Variants in NR3C2 observed in about 807,000 individuals in gnomAD.
The protein encoded by NR3C2 is mineralocorticoid receptor.
Under a neutral mutation model 86.4 loss-of-function variants are expected in NR3C2, and 15 were observed. The ratio of observed to expected loss-of-function variants is 0.17; its 90% CI spans 0.12 to 0.27. The LOEUF is 0.27. NR3C2 is among the 10% of genes least tolerant of loss of function. NR3C2 has a pLI of 1.00. For missense variants in NR3C2, 960 were observed against 1,195.6 expected (o/e 0.80, Z 2.91); for synonymous variants, 458 against 450.5 (o/e 1.02, Z -0.21).
At chr4:148,413,944 C>T in intron 2 of NR3C2, among the ~76,000 whole-genome samples, 1 of 152,092 alleles carries the variant, frequency 6.6e-6, no homozygotes, top group East Asian at 1.9e-4. Context: ...AGAAATTCTA[C>T]TTCTAATTAT....
chr4:148,297,985 T>C (rs371456368), intron 2 of NR3C2, among the ~76,000 whole-genome samples: 5 of 152,034 alleles, frequency 3.3e-5, no homozygotes, highest in Non-Finnish European at 4.4e-5. Flanking sequence ...TCAGGCACTG[T>C]TGGAAGGAGT....
intron 2 of NR3C2, among the ~76,000 whole-genome samples, chr4:148,379,160 T>G (rs549283627): frequency 1.3e-5 from 2 of 152,294 alleles, no homozygotes; most frequent in South Asian, 4.1e-4. Context: ...CGTCTAAATT[T>G]AACCCTCTAG....
intron 2 of NR3C2, among the ~76,000 whole-genome samples, chr4:148,265,703 T>C (rs1740350507): frequency 6.6e-6 from 1 of 152,226 alleles, no homozygotes; most frequent in South Asian, 2.1e-4. Flanking sequence ...TTTCCATATG[T>C]AATCAATTCA....
intron 2 of NR3C2, among the ~76,000 whole-genome samples, chr4:148,400,253 G>C (rs1194481628): frequency 3.3e-5 from 5 of 152,170 alleles, no homozygotes; most frequent in Admixed American, 6.5e-5. Context: ...TCTACATGAA[G>C]TGGGGAGCTG....
intron 3 of NR3C2, among the ~76,000 whole-genome samples, chr4:148,212,665 T>A (rs536771858): frequency 6.6e-6 from 1 of 152,374 alleles, no homozygotes; most frequent in South Asian, 2.1e-4. Context: ...GTAAATGAGA[T>A]GTTCCTTTGA....
intron 8 of NR3C2, among the ~76,000 whole-genome samples, chr4:148,112,048 T>G (rs1419167130): frequency 6.6e-6 from 1 of 152,060 alleles, no homozygotes; most frequent in Admixed American, 6.6e-5. Context: ...TTGCATAAAA[T>G]CAGCATTTAT....
At chr4:148,206,928 C>CT (rs772221588) in intron 3 of NR3C2, among the ~76,000 whole-genome samples, 115 of 147,176 alleles carry the variant, frequency 7.8e-4, no homozygotes, top group South Asian at 1.7e-3. Flanking sequence ...TTATGATAAT[C>CT]TTTTTTTTTT....
chr4:148,098,445 T>A (rs913580771), intron 8 of NR3C2, among the ~76,000 whole-genome samples: 57 of 151,654 alleles, frequency 3.8e-4, no homozygotes, highest in Non-Finnish European at 2.1e-4. Flanking sequence ...ATCTCAACAG[T>A]AGACTCACCA....
At chr4:148,264,829 T>TA (rs1014106847) in intron 2 of NR3C2, among the ~76,000 whole-genome samples, 1 of 152,170 alleles carries the variant, frequency 6.6e-6, no homozygotes, top group African/African-American at 2.4e-5. Flanking sequence ...GGATCAAACA[T>TA]AAAAAATGAA....
At chr4:148,265,740 C>G (rs1284293491) in intron 2 of NR3C2, among the ~76,000 whole-genome samples, 1 of 152,188 alleles carries the variant, frequency 6.6e-6, no homozygotes, top group South Asian at 2.1e-4. Context: ...TCTTAGAGCA[C>G]AGCGAGAATT....
At chr4:148,333,085 GA>G (rs1227903331) in intron 2 of NR3C2, among the ~76,000 whole-genome samples, 14 of 151,652 alleles carry the variant, frequency 9.2e-5, no homozygotes, top group African/African-American at 3.4e-4. Flanking sequence ...GGGCAACAAG[GA>G]AAAACCCCCT....
At chr4:148,280,071 T>G (rs755866082) in intron 2 of NR3C2, among the ~76,000 whole-genome samples, 1 of 152,202 alleles carries the variant, frequency 6.6e-6, no homozygotes, top group South Asian at 2.1e-4. Flanking sequence ...AAATATCTTA[T>G]TTTTACCCTA....
intron 8 of NR3C2, among the ~76,000 whole-genome samples, chr4:148,112,909 A>T (rs991107830): frequency 6.6e-6 from 1 of 152,212 alleles, no homozygotes; most frequent in Non-Finnish European, 1.5e-5. Context: ...ATAGAAAAAT[A>T]TTTTTAAAAG....
intron 7 of NR3C2, among the ~76,000 whole-genome samples, chr4:148,118,755 G>C (rs1366246315): frequency 6.6e-6 from 1 of 152,092 alleles, no homozygotes; most frequent in Non-Finnish European, 1.5e-5. Flanking sequence ...TCACTACTGT[G>C]GCTAGTCATT....
chr4:148,411,616 T>C (rs1748707752), intron 2 of NR3C2, among the ~76,000 whole-genome samples: 1 of 151,840 alleles, frequency 6.6e-6, no homozygotes, highest in Admixed American at 6.6e-5. Context: ...CTGGTTTTTC[T>C]TTCTTTTTAA....
rs905041414 is a variant in NR3C2 at position 148,267,588 on chromosome 4, C to A, written c.1758-7471G>T. On this transcript the variant is annotated intron_variant, in intron 2 of 8. Coordinates refer to ENST00000358102, the MANE Select transcript of NR3C2 (RefSeq NM_000901.5). ...AATACCACAATAGCCATATTGTTTACTGTATACAGTAAACAGAACTTTGTG... is the reference window on the plus strand; with the variant it reads ...AATACCACAATAGCCATATTGTTTAATGTATACAGTAAACAGAACTTTGTG... Among the ~76,000 whole-genome samples, 9 of 152,214 alleles carry A rather than the reference C, an allele frequency of 5.9e-5. 1 individual carries two copies. The highest frequency in any genetic ancestry group is 3.3e-4 in the Admixed American group (5 of 15,292).
intron 2 of NR3C2, among the ~76,000 whole-genome samples, chr4:148,329,964 C>G (rs1050780493): frequency 6.6e-6 from 1 of 152,178 alleles, no homozygotes; most frequent in Non-Finnish European, 1.5e-5. Flanking sequence ...GGCCAATGAT[C>G]CCCTGGTATC....
At chr4:148,296,369 A>C (rs1347559740) in intron 2 of NR3C2, among the ~76,000 whole-genome samples, 1 of 152,186 alleles carries the variant, frequency 6.6e-6, no homozygotes, top group African/African-American at 2.4e-5. Flanking sequence ...TGGGAAAAAC[A>C]GAAACAAGTA....
intron 2 of NR3C2, among the ~76,000 whole-genome samples, chr4:148,402,308 A>C (rs550419804): frequency 1.3e-5 from 2 of 152,364 alleles, no homozygotes; most frequent in African/African-American, 4.8e-5. Context: ...GGAGAAGCTA[A>C]TCAAGGTGAA....
Sources: allele counts gnomAD v4.1 joint callset (sites outside exome capture counted in the v4.1 genomes callset), GRCh38; gene constraint gnomAD v4.1.1; transcripts MANE v1.5; gene names NCBI Gene and HGNC (gene_info 2026-07-23, HGNC 2026-07-21).